The following ITGAE variants were observed in gnomAD, a reference collection of about 807,000 sequenced individuals.
ITGAE encodes integrin alpha-E.
In ITGAE, 99 loss-of-function variants were observed where a neutral mutation model predicts 136.5. That is an observed-to-expected ratio of 0.73 (90% CI 0.62 to 0.86). The LOEUF (loss-of-function observed/expected upper bound fraction) is 0.86. ITGAE is among the 40% of genes least tolerant of loss of function. The probability of loss-of-function intolerance (pLI) is 0.00; values close to 1 mark genes in which losing one functional copy is unlikely to be tolerated. For synonymous variants in ITGAE, 613 were observed against 591.8 expected, an observed-to-expected ratio of 1.04 and a Z score of -0.52; for missense variants, 1,447 against 1,515.3, an observed-to-expected ratio of 0.95 and a Z score of 0.75.
chr17:3,749,981 A>G (rs2051823315), intron 16 of ITGAE, among the ~76,000 whole-genome samples: 2 of 152,042 alleles, frequency 1.3e-5, no homozygotes, highest in South Asian at 4.1e-4. Flanking sequence ...ACACCACTGC[A>G]CTCCAGCCTG....
intron 17 of ITGAE, among the ~76,000 whole-genome samples, chr17:3,746,519 G>T (rs991438130): frequency 2.0e-5 from 3 of 151,110 alleles, no homozygotes; most frequent in African/African-American, 7.3e-5. Flanking sequence ...GCAGCGGCGC[G>T]ATCTTGGCTC....
chr17:3,726,320 T>C (rs2051211702), intron 26 of ITGAE: 1 of 1,609,788 alleles, frequency 6.2e-7, no homozygotes, highest in Non-Finnish European at 8.5e-7. Flanking sequence ...GCCAGCACAG[T>C]CTGTTTAAGT....
Position 3,760,203 on chromosome 17 carries a change from ATG to A in ITGAE, c.681_682del (p.Met228AspfsTer6). On this transcript the variant is annotated frameshift_variant, in exon 7 of 31. Coordinates refer to ENST00000263087, the MANE Select transcript of ITGAE (RefSeq NM_002208.5). LOFTEE classifies it high-confidence loss of function. ...ACACTTTTCATAGAAGTTCCTCATC[ATG>A]TTGGAGATGAAGTCTTTGGCTCTCT... 6.2e-7 allele frequency: 1 copy of A among 1,613,326 alleles called. No homozygotes were observed. The highest frequency in any genetic ancestry group is 8.5e-7 in the Non-Finnish European group (1 of 1,179,328).
intron 1 of ITGAE, 26 bp downstream of exon 1, chr17:3,801,084 CT>C (rs1312059336): frequency 6.2e-7 from 1 of 1,612,726 alleles, no homozygotes; most frequent in East Asian, 2.2e-5. Context: ...ACAGCAGCCC[CT>C]CGAAGCAGCG....
intron 21 of ITGAE, among the ~76,000 whole-genome samples, chr17:3,732,819 C>T (rs771559903): frequency 3.9e-5 from 6 of 152,178 alleles, no homozygotes; most frequent in Non-Finnish European, 8.8e-5. Context: ...ATATAACCCA[C>T]AGCCTGGCTG....
In ITGAE at chr17:3,761,407, G is replaced by A; in HGVS notation, c.429C>T (p.Asp143=). The change falls in exon 5 of 31, where the codon GAC becomes GAT. Residue 143 remains aspartate, a synonymous_variant. Transcript: ENST00000263087. ...CAGTGAATGTCCAATCCTTACCAAGGTCGAAGAAGTTGGCCTGAGCCTGGG... is the reference window on the plus strand; with the variant it reads ...CAGTGAATGTCCAATCCTTACCAAGATCGAAGAAGTTGGCCTGAGCCTGGG... ...LRPQAQANFF[D]LENLLDPDAR... is the part of the protein sequence containing the mutation. 6.2e-7 allele frequency: 1 copy of A among 1,611,054 alleles called. No individual in the cohort carries two copies. Among genetic ancestry groups the A allele is most frequent in the Non-Finnish European group, 8.5e-7 (1 of 1,178,610 alleles).
chr17:3,715,102 C>T (rs1380382201), intron 30 of ITGAE, among the ~76,000 whole-genome samples, 160 bp from the exon 31 acceptor site: 2 of 152,060 alleles, frequency 1.3e-5, no homozygotes, highest in African/African-American at 4.8e-5. Context: ...CCTGGAGAGT[C>T]CAATCCTTCA....
chr17:3,756,248 T>TGTC, intron 10 of ITGAE, among the ~76,000 whole-genome samples: 1 of 134,614 alleles, frequency 7.4e-6, no homozygotes, highest in African/African-American at 2.9e-5. Context: ...TTTTTTTTTT[T>TGTC]TTTGAGACAG....
chr17:3,797,041 C>A (rs1244581914), intron 1 of ITGAE, among the ~76,000 whole-genome samples: 1 of 151,904 alleles, frequency 6.6e-6, no homozygotes, highest in Non-Finnish European at 1.5e-5. Flanking sequence ...CCACCCCAAA[C>A]CTCACAGTCA....
intron 18 of ITGAE, 23 bp downstream of exon 18, chr17:3,745,741 C>T (rs753574809): frequency 6.2e-7 from 1 of 1,611,734 alleles, no homozygotes; most frequent in Non-Finnish European, 8.5e-7. Context: ...CCTCCTGACT[C>T]CCATCCAAAC....
Position 3,765,075 on chromosome 17 carries a change from C to T in ITGAE, c.156-1115G>A, listed in dbSNP as rs559078433. Among the ~76,000 whole-genome samples, 4 of 152,186 alleles carry T rather than the reference C, an allele frequency of 2.6e-5. No individual in the cohort carries two copies. The East Asian group carries it at 5.8e-4, about 22-fold the overall frequency. ...TTCAAAAGCTCATGATGAGGCCGGG[C>T]GCGGTGGCTCACGCCTGTAATCCCA... On this transcript the variant is annotated intron_variant, in intron 2 of 30. Coordinates refer to ENST00000263087, the MANE Select transcript of ITGAE (RefSeq NM_002208.5).
At chr17:3,793,477 G>A (rs8066398) in intron 1 of ITGAE, among the ~76,000 whole-genome samples, 108,668 of 152,106 alleles carry the variant, frequency 0.71, 39,374 homozygotes, top group Admixed American at 0.79. Context: ...CGTGGGCCCT[G>A]GGGCCGGAGC....
At chr17:3,783,286 G>A (rs12453740) in intron 1 of ITGAE, among the ~76,000 whole-genome samples, 12,487 of 152,120 alleles carry the variant, frequency 0.082, 1,504 homozygotes, top group East Asian at 0.56. Flanking sequence ...GATTACAGGC[G>A]CCCGCCACCA....
At chr17:3,800,379 A>C in intron 1 of ITGAE, among the ~76,000 whole-genome samples, 1 of 152,162 alleles carries the variant, frequency 6.6e-6, no homozygotes. Context: ...ACCCATGGGA[A>C]GTCTGCTCAG....
chr17:3,782,821 A>C (rs2143372295), intron 1 of ITGAE, among the ~76,000 whole-genome samples: 1 of 152,292 alleles, frequency 6.6e-6, no homozygotes, highest in Middle Eastern at 3.4e-3. Context: ...TTTCGTCTCT[A>C]AATACACTGA....
chr17:3,738,825 T>A (rs1420093694), intron 20 of ITGAE: 1 of 152,212 alleles, frequency 6.6e-6, no homozygotes, highest in Non-Finnish European at 1.5e-5. Flanking sequence ...TTTAAACTGT[T>A]ACTCCCGTCA....
At position 3,755,313 on chromosome 17, in the gene ITGAE, G is replaced by T. The variant is rs1384211915; in HGVS notation, c.1240-52C>A. The T allele has an allele frequency of 4.1e-6, 6 of 1,474,620 alleles. No individual in the cohort carries two copies. The East Asian group carries it at 1.2e-4, about 30-fold the overall frequency. The allele number at this position is 1,474,620 out of a possible 1,614,324, so 91.3% of individuals were successfully genotyped here. On this transcript the variant is annotated intron_variant, in intron 11 of 30. Transcript: ENST00000263087. ...ATGAGTGGGAGGGACCCAAGGCCGG[G>T]CCACGGTGGCCGCGGGTCTCCGGGC...
rs778127893 is a variant in ITGAE at position 3,751,817 on chromosome 17, G to A, written c.1726C>T (p.Arg576Cys). The A allele has an allele frequency of 1.0e-4, 165 of 1,614,118 alleles. No individual in the cohort carries two copies. Among genetic ancestry groups the A allele is most frequent in the Non-Finnish European group, 1.2e-4 (147 of 1,179,994 alleles). ...ATAGCCGCCATGGCAAAGCCAAAGC[G>A]GGCATTGGTGAACCCGGGGTGCCCA... The part of the protein sequence containing the change: ...LSGHPGFTNA[R>C]FGFAMAAMGD... The change falls in exon 15 of 31, where the codon CGC becomes TGC. Residue 576 changes from arginine (R) to cysteine (C), a missense_variant. Arg to Cys is a radical substitution (Grantham distance 180, BLOSUM62 -3). Around this residue, in one of 3 missense-constraint regions of ITGAE, gnomAD observed 1,031 missense variants for 1,011.4 expected, o/e 1.02. Transcript: ENST00000263087.
intron 29 of ITGAE, chr17:3,717,071 G>C (rs2050957196): frequency 3.1e-5 from 11 of 352,954 alleles, no homozygotes; most frequent in South Asian, 2.7e-4. Flanking sequence ...TTCTGTTAAA[G>C]ATGCTCTGAC....
Sources: gnomAD v4.1 joint callset for allele counts (sites outside exome capture counted in the v4.1 genomes callset) on GRCh38, gnomAD v4.1.1 for gene constraint, gnomAD v4.1.1 regional missense constraint, MANE v1.5 for transcripts, NCBI Gene and HGNC (gene_info 2026-07-23, HGNC 2026-07-21) for gene names.